Variants in CEP68 observed in about 807,000 individuals in gnomAD.
CEP68 encodes the protein centrosomal protein of 68 kDa.
CEP68 carries 26 observed loss-of-function variants against 55.3 expected under a neutral mutation model. That is an observed-to-expected ratio of 0.47 (90% CI 0.34 to 0.65). CEP68 has a LOEUF of 0.65. CEP68 is among the 30% of genes least tolerant of loss of function. The probability of loss-of-function intolerance (pLI) is 0.01; values close to 1 mark genes in which losing one functional copy is unlikely to be tolerated. For missense variants in CEP68, 957 were observed against 946.7 expected, an observed-to-expected ratio of 1.01 and a Z score of -0.14; for synonymous variants, 402 against 383.2, an observed-to-expected ratio of 1.05 and a Z score of -0.57.
At position 65,085,009 on chromosome 2, in the gene CEP68, A is replaced by G. The variant is rs941646578; in HGVS notation, c.*1375A>G. 1.3e-5 allele frequency: 2 copies of G among 152,224 alleles called. No homozygotes were observed. The highest frequency in any genetic ancestry group is 4.8e-5 in the African/African-American group (2 of 41,462). 9.4% of individuals were successfully genotyped at this position (152,224 alleles called of 1,614,324 possible). ...GTATGTAAAACATTCTTGAAAACCT[A>G]GAGTTGGTTAAAAAGGTAGAGATGT... On this transcript the variant is annotated 3_prime_UTR_variant, in exon 7 of 7. Coordinates refer to ENST00000377990, the MANE Select transcript of CEP68 (RefSeq NM_015147.3).
chr2:65,070,777 A>G (rs138329264), intron 2 of CEP68: 52 of 152,434 alleles, frequency 3.4e-4, no homozygotes, highest in African/African-American at 1.1e-3. Context: ...CTTTGCACAC[A>G]TGGGTGTATT....
intron 5 of CEP68, among the ~76,000 whole-genome samples, chr2:65,079,862 G>C (rs976827057): frequency 6.6e-6 from 1 of 152,196 alleles, no homozygotes; most frequent in East Asian, 1.9e-4. Flanking sequence ...GTCCGGACAC[G>C]GTGGTTCACG....
In CEP68 at chr2:65,072,947, A is replaced by G; in HGVS notation, c.1851A>G (p.Glu617=). The G allele has an allele frequency of 1.9e-6, 3 of 1,614,172 alleles. No homozygotes were observed. In the African/African-American group the frequency reaches 4.0e-5, roughly 22 times the overall value. ...VEGQLPRKGG[E]QGKESLVQCV... is the part of the protein sequence containing the mutation. ...GGCAGCTTCCCAGGAAAGGAGGAGA[A>G]CAGGGAAAAGAATCACTGGTGCAAT... Residue 617 remains glutamate, a synonymous_variant, in exon 3 of 7, where the codon GAA becomes GAG. Coordinates refer to ENST00000377990, the MANE Select transcript of CEP68 (RefSeq NM_015147.3).
chr2:65,083,646 C>T lies in CEP68; in HGVS notation c.*12C>T, dbSNP rs912041314. On this transcript the variant is annotated 3_prime_UTR_variant, in exon 7 of 7. Transcript: ENST00000377990. The stretch of plus-strand genomic sequence containing the variant: ...CTGCCTTTTCTCTTTCAGGCATCTT[C>T]TCAGGCAGAGGTGCAACCTGTCGGC... 4 of 152,200 alleles carry T rather than the reference C, an allele frequency of 2.6e-5. No homozygotes were observed. Among genetic ancestry groups the T allele is most frequent in the African/African-American group, 9.7e-5 (4 of 41,430 alleles). 9.4% of individuals were successfully genotyped at this position (152,200 alleles called of 1,614,324 possible).
rs1269139712 is a variant in CEP68 at position 65,072,431 on chromosome 2, G to C, written c.1335G>C (p.Trp445Cys). The C allele has an allele frequency of 6.2e-7, 1 of 1,613,960 alleles. No homozygotes were observed. The highest frequency in any genetic ancestry group is 8.5e-7 in the Non-Finnish European group (1 of 1,180,050). Residue 445 changes from tryptophan (W) to cysteine (C), a missense_variant, in exon 3 of 7, where the codon TGG (tryptophan) becomes TGC (cysteine). Coordinates refer to ENST00000377990, the MANE Select transcript of CEP68 (RefSeq NM_015147.3). The stretch of plus-strand genomic sequence containing the variant: ...AGCTAAGGACACGGGACAGAGGGTG[G>C]CCCTCGCCCAGGCCAGAGAGGGAGA... ...SPQLRTRDRG[W>C]PSPRPEREKR...
At chr2:65,083,183 C>T (rs776386411) in intron 6 of CEP68, among the ~76,000 whole-genome samples, 1 of 152,138 alleles carries the variant, frequency 6.6e-6, no homozygotes, top group Non-Finnish European at 1.5e-5. Flanking sequence ...TAACTTTGCA[C>T]CACCACCCCT....
At position 65,072,509 on chromosome 2, in the gene CEP68, A is replaced by G; in HGVS notation, c.1413A>G (p.Lys471=). The change falls in exon 3 of 7, where the codon AAA becomes AAG. Residue 471 remains lysine (K), a synonymous_variant. Coordinates refer to ENST00000377990, the MANE Select transcript of CEP68 (RefSeq NM_015147.3). ...CTACCTGCACAGAGTCTAGGTGGAA[A>G]TCAGAAGAGGAAGTGGAAAGTGATG... The part of the protein sequence containing the change: ...RRPTCTESRW[K]SEEEVESDDE... 6.2e-7 allele frequency: 1 copy of G among 1,614,116 alleles called. No individual in the cohort carries two copies. The highest frequency in any genetic ancestry group is 1.1e-5 in the South Asian group (1 of 91,080).
intron 6 of CEP68, among the ~76,000 whole-genome samples, chr2:65,083,277 G>A (rs1668920312): frequency 6.6e-6 from 1 of 152,188 alleles, no homozygotes; most frequent in African/African-American, 2.4e-5. Context: ...AAGACACCTT[G>A]GAGACTTAAC....
intron 1 of CEP68, among the ~76,000 whole-genome samples, chr2:65,061,496 C>T (rs909969258): frequency 6.6e-6 from 1 of 152,280 alleles, no homozygotes; most frequent in Non-Finnish European, 1.5e-5. Flanking sequence ...GGCCCATGGC[C>T]AAGCCACAGC....
chr2:65,058,890 A>T (rs538927488), intron 1 of CEP68, among the ~76,000 whole-genome samples: 1 of 152,224 alleles, frequency 6.6e-6, no homozygotes, highest in East Asian at 1.9e-4. Context: ...TTATCTGTTT[A>T]TGTGTCTGGA....
At chr2:65,081,251 C>T in intron 5 of CEP68, among the ~76,000 whole-genome samples, 1 of 150,882 alleles carries the variant, frequency 6.6e-6, no homozygotes, top group East Asian at 1.9e-4. Flanking sequence ...GAACCCAGCC[C>T]AGCCACCCTT....
At chr2:65,067,398 T>G (rs6546122) in intron 1 of CEP68, among the ~76,000 whole-genome samples, 33,911 of 151,346 alleles carry the variant, frequency 0.22, 4,481 homozygotes, top group African/African-American at 0.35. Context: ...GGAACAAAAG[T>G]GGGGGAAGGA....
chr2:65,081,211 CAAAAA>C (rs3052193), intron 5 of CEP68, among the ~76,000 whole-genome samples: 3 of 142,958 alleles, frequency 2.1e-5, no homozygotes, highest in Non-Finnish European at 3.1e-5. Context: ...GACTCCATCT[CAAAAA>C]AAAAAAAAAA....
chr2:65,075,490 A>AT (rs1357399123), intron 4 of CEP68, among the ~76,000 whole-genome samples: 1 of 152,110 alleles, frequency 6.6e-6, no homozygotes, highest in Non-Finnish European at 1.5e-5. Context: ...TTTCATTAAG[A>AT]TTTTGTTATT....
chr2:65,069,355 A>T (rs1485715599), intron 1 of CEP68, 44 bp from the exon 2 acceptor site: 18 of 1,021,714 alleles, frequency 1.8e-5, no homozygotes, highest in Admixed American at 7.1e-5. Flanking sequence ...CTGAACACAG[A>T]TGTAGAAGAT....
chr2:65,057,724 A>AC (rs1675703994), intron 1 of CEP68, among the ~76,000 whole-genome samples: 1 of 152,220 alleles, frequency 6.6e-6, no homozygotes, highest in Admixed American at 6.5e-5. Flanking sequence ...CATTTATTTA[A>AC]CTTCTTGAGC....
At chr2:65,060,227 G>A (rs1011388460) in intron 1 of CEP68, among the ~76,000 whole-genome samples, 1 of 126,124 alleles carries the variant, frequency 7.9e-6, no homozygotes, top group Non-Finnish European at 1.7e-5. Flanking sequence ...AGCAAAGAGG[G>A]AAATTTTTTT....
At chr2:65,063,775 T>C (rs1050325549) in intron 1 of CEP68, among the ~76,000 whole-genome samples, 5 of 152,184 alleles carry the variant, frequency 3.3e-5, no homozygotes, top group African/African-American at 1.2e-4. Flanking sequence ...TGGGCCAGTG[T>C]TTTCTTCGGC....
At chr2:65,063,782 C>T (rs146241985) in intron 1 of CEP68, among the ~76,000 whole-genome samples, 6 of 152,280 alleles carry the variant, frequency 3.9e-5, no homozygotes, top group Middle Eastern at 3.4e-3. Flanking sequence ...GTGTTTTCTT[C>T]GGCATGATTG....
Sources: allele counts gnomAD v4.1 joint callset (sites outside exome capture counted in the v4.1 genomes callset), GRCh38; gene constraint gnomAD v4.1.1; transcripts MANE v1.5; gene names NCBI Gene and HGNC (gene_info 2026-07-23, HGNC 2026-07-21).